Variants in DENND4C observed in about 807,000 individuals in gnomAD.
DENND4C encodes the protein DENN domain containing 4C, also known as DENN domain-containing protein 4C.
Under a neutral mutation model 203.0 loss-of-function variants are expected in DENND4C, and 108 were observed. That is an observed-to-expected ratio of 0.53 (90% CI 0.46 to 0.62). DENND4C has a LOEUF of 0.62. DENND4C is among the 20% of genes least tolerant of loss of function. DENND4C has a pLI of 0.00. For synonymous variants in DENND4C, 871 were observed against 792.4 expected (o/e 1.10, Z -1.67); for missense variants, 2,481 against 2,301.2 (o/e 1.08, Z -1.60).
At chr9:19,355,660 G>T (rs1356627207) in intron 26 of DENND4C, among the ~76,000 whole-genome samples, 2 of 151,876 alleles carry the variant, frequency 1.3e-5, no homozygotes, top group African/African-American at 4.8e-5. Context: ...TCATCACTTG[G>T]TCCTTGTGTT....
At chr9:19,248,446 A>G (rs1231554192) in intron 1 of DENND4C, among the ~76,000 whole-genome samples, 3 of 151,840 alleles carry the variant, frequency 2.0e-5, no homozygotes, top group African/African-American at 7.3e-5. Flanking sequence ...CTGGAGTACA[A>G]TGGCACGATC....
At chr9:19,247,889 C>A (rs187229731) in intron 1 of DENND4C, among the ~76,000 whole-genome samples, 7 of 152,312 alleles carry the variant, frequency 4.6e-5, no homozygotes, top group Non-Finnish European at 8.8e-5. Context: ...TCCCCTTTTA[C>A]TTCCAATCCA....
intron 4 of DENND4C, 33 bp from the exon 5 acceptor site, chr9:19,290,671 T>G: frequency 7.5e-7 from 1 of 1,332,592 alleles, no homozygotes; most frequent in South Asian, 2.2e-5. Context: ...AGTAACTATT[T>G]AAAAAATTTA....
At chr9:19,301,604 A>T (rs1245780884) in intron 9 of DENND4C, among the ~76,000 whole-genome samples, 2 of 152,178 alleles carry the variant, frequency 1.3e-5, no homozygotes, top group African/African-American at 4.8e-5. Flanking sequence ...AGTTGTTAGA[A>T]TATGAAAATA....
At chr9:19,240,426 G>T (rs1271782666) in intron 1 of DENND4C, among the ~76,000 whole-genome samples, 1 of 152,160 alleles carries the variant, frequency 6.6e-6, no homozygotes, top group Non-Finnish European at 1.5e-5. Flanking sequence ...CCAGCACTCT[G>T]GGAGGCTGAA....
chr9:19,327,639 AT>A (rs555071873), intron 15 of DENND4C, among the ~76,000 whole-genome samples: 8 of 151,868 alleles, frequency 5.3e-5, no homozygotes, highest in East Asian at 3.8e-4. Context: ...AATTTTATGG[AT>A]TTTTTTTATT....
At chr9:19,299,362 T>C in intron 8 of DENND4C, 75 bp downstream of exon 8, 1 of 983,068 alleles carries the variant, frequency 1.0e-6, no homozygotes, top group Admixed American at 3.0e-5. Flanking sequence ...GTGATTAGTA[T>C]ATTATTAATA....
At chr9:19,284,951 T>A (rs1466108379) in intron 2 of DENND4C, among the ~76,000 whole-genome samples, 2 of 152,162 alleles carry the variant, frequency 1.3e-5, no homozygotes, top group African/African-American at 4.8e-5. Flanking sequence ...AGTCATAGTC[T>A]TTTCCCACTG....
chr9:19,240,341 A>G (rs1823361730), intron 1 of DENND4C, among the ~76,000 whole-genome samples: 2 of 152,132 alleles, frequency 1.3e-5, no homozygotes, highest in Admixed American at 6.6e-5. Context: ...TTGTGTATCT[A>G]AACATAGAAA....
intron 21 of DENND4C, 111 bp from the exon 22 acceptor site, chr9:19,342,522 A>G: frequency 8.6e-7 from 1 of 1,161,312 alleles, no homozygotes; most frequent in Non-Finnish European, 1.2e-6. Context: ...AAAGTAAAAT[A>G]GACACACTGA....
chr9:19,331,991 C>T lies in DENND4C; in HGVS notation c.2267C>T (p.Ala756Val). The change falls in exon 17 of 33, where the codon GCT becomes GTT. Residue 756 changes from alanine (A) to valine (V), a missense_variant. Around this residue, in one of 3 missense-constraint regions of DENND4C, gnomAD observed 2,289 missense variants for 2,113.3 expected, o/e 1.08. Coordinates refer to ENST00000434457, the MANE Select transcript of DENND4C (RefSeq NM_001330640.2). ...AKRTKQEIKT[A>V]HKLAKRCYTN... ...TTCTCTTTCTAGGAAATAAAAACAG[C>T]TCATAAATTGGCGAAGAGATGTTAT... The T allele has an allele frequency of 6.2e-7, 1 of 1,613,368 alleles. No individual in the cohort carries two copies. The highest frequency in any genetic ancestry group is 1.1e-5 in the South Asian group (1 of 91,038).
chr9:19,362,794 T>G (rs1475748168), intron 30 of DENND4C, among the ~76,000 whole-genome samples: 1 of 152,246 alleles, frequency 6.6e-6, no homozygotes, highest in Non-Finnish European at 1.5e-5. Flanking sequence ...GGCTTCATTT[T>G]TAATCTTTTA....
At chr9:19,298,215 G>T in intron 7 of DENND4C, 93 bp downstream of exon 7, 1 of 1,051,928 alleles carries the variant, frequency 9.5e-7, no homozygotes, top group South Asian at 1.6e-5. Context: ...GTTTGAGGTG[G>T]AGCAATATGC....
chr9:19,365,793 C>T (rs1269252537), intron 30 of DENND4C, among the ~76,000 whole-genome samples: 7 of 150,734 alleles, frequency 4.6e-5, no homozygotes, highest in Non-Finnish European at 7.4e-5. Flanking sequence ...ACAAATAATT[C>T]AAAATGAAAC....
intron 24 of DENND4C, among the ~76,000 whole-genome samples, chr9:19,351,391 G>A (rs1194917490): frequency 6.6e-6 from 1 of 152,184 alleles, no homozygotes; most frequent in African/African-American, 2.4e-5. Flanking sequence ...GCAGTTCTCT[G>A]GGTGAATCCG....
chr9:19,338,688 G>A (rs1245412979), intron 20 of DENND4C, among the ~76,000 whole-genome samples: 3 of 152,136 alleles, frequency 2.0e-5, no homozygotes, highest in Non-Finnish European at 4.4e-5. Context: ...GGCATGTTTG[G>A]TTTTAATTCA....
intron 12 of DENND4C, among the ~76,000 whole-genome samples, chr9:19,324,119 A>G (rs1000871184): frequency 6.6e-6 from 1 of 152,178 alleles, no homozygotes; most frequent in African/African-American, 2.4e-5. Flanking sequence ...CATCCCCAAG[A>G]TATGTGATTG....
chr9:19,316,657 T>C lies in DENND4C; in HGVS notation c.1625T>C (p.Met542Thr), dbSNP rs1260163332. 6.2e-7 allele frequency: 1 copy of C among 1,614,122 alleles called. No homozygotes were observed. The change falls in exon 12 of 33, where the codon ATG becomes ACG. Residue 542 changes from methionine to threonine, a missense_variant. Coordinates refer to ENST00000434457, the MANE Select transcript of DENND4C (RefSeq NM_001330640.2). Reference sequence around the variant, plus strand: ...ACTCAAGAAGGCTCAGCGATTGACATGACTCCAATTGAAGCAGATTTCTCC... The same window carrying C: ...ACTCAAGAAGGCTCAGCGATTGACACGACTCCAATTGAAGCAGATTTCTCC... ...QKTQEGSAID[M>T]TPIEADFSWQ...
At chr9:19,335,610 T>A (rs1036625497) in intron 18 of DENND4C, among the ~76,000 whole-genome samples, 1 of 152,194 alleles carries the variant, frequency 6.6e-6, no homozygotes, top group Non-Finnish European at 1.5e-5. Flanking sequence ...TTGCGGTATT[T>A]GTCTTTCTGT....
Sources: allele counts gnomAD v4.1 joint callset (sites outside exome capture counted in the v4.1 genomes callset), GRCh38; gene constraint gnomAD v4.1.1; regional missense constraint gnomAD v4.1.1; transcripts MANE v1.5; gene names NCBI Gene and HGNC (gene_info 2026-07-23, HGNC 2026-07-21).